CNTNAP4: variants seen among roughly 807,000 people sequenced by gnomAD.
CNTNAP4 encodes the protein contactin associated protein family member 4.
Under a neutral mutation model 148.4 loss-of-function variants are expected in CNTNAP4, and 98 were observed. The ratio of observed to expected loss-of-function variants is 0.66; its 90% CI spans 0.56 to 0.78. The LOEUF is 0.78. CNTNAP4 is among the 30% of genes least tolerant of loss of function. The pLI, the probability that CNTNAP4 is intolerant of heterozygous loss-of-function variation, is 0.00. For missense variants in CNTNAP4, 1,935 were observed against 1,565.6 expected (o/e 1.24, Z -3.98); for synonymous variants, 730 against 565.1 (o/e 1.29, Z -4.14).
intron 3 of CNTNAP4, 117 bp from the exon 4 acceptor site, chr16:76,427,335 A>T (rs748714967): frequency 2.8e-4 from 208 of 750,288 alleles, no homozygotes; most frequent in Non-Finnish European, 3.8e-4. Context: ...TTCTTATAGA[A>T]GGTAGCACCA....
At chr16:76,557,236 G>T (rs952848787) in intron 23 of CNTNAP4, 1 of 152,130 alleles carries the variant, frequency 6.6e-6, no homozygotes, top group African/African-American at 2.4e-5. Context: ...AACATATGCT[G>T]TGTAATTGTT....
intron 1 of CNTNAP4, among the ~76,000 whole-genome samples, chr16:76,306,261 C>A (rs1463393403): frequency 2.0e-5 from 3 of 152,148 alleles, no homozygotes; most frequent in South Asian, 2.1e-4. Flanking sequence ...CTGAACCCAT[C>A]CTTCTTAATA....
At chr16:76,396,414 G>A (rs1334200996) in intron 3 of CNTNAP4, among the ~76,000 whole-genome samples, 1 of 152,156 alleles carries the variant, frequency 6.6e-6, no homozygotes, top group African/African-American at 2.4e-5. Context: ...TTATCAAGGA[G>A]GTAGGAAGAA....
intron 3 of CNTNAP4, among the ~76,000 whole-genome samples, chr16:76,364,771 GTA>G (rs2013904513): frequency 6.6e-6 from 1 of 152,016 alleles, no homozygotes; most frequent in Admixed American, 6.6e-5. Context: ...ACTTTATTAA[GTA>G]TATTTTAAAT....
At chr16:76,371,174 C>G (rs145135519) in intron 3 of CNTNAP4, among the ~76,000 whole-genome samples, 28 of 152,322 alleles carry the variant, frequency 1.8e-4, no homozygotes, top group African/African-American at 6.0e-4. Context: ...GAAAAAATAG[C>G]AAACATCTTA....
In CNTNAP4 at chr16:76,558,559, A is replaced by C. The variant is rs772356736; in HGVS notation, c.3803A>C (p.Lys1268Thr). Residue 1268 changes from lysine to threonine, a missense_variant, in exon 24 of 24, where the codon AAA (lysine) becomes ACA (threonine). Coordinates refer to ENST00000611870, the MANE Select transcript of CNTNAP4 (RefSeq NM_033401.5). Reference sequence around the variant, plus strand: ...ATAGCTGTTCGCATTTATCAGCAGAAAAGGTTATATAAAAGAAGTGAGGCA... The same window carrying C: ...ATAGCTGTTCGCATTTATCAGCAGACAAGGTTATATAAAAGAAGTGAGGCA... ...TAIAVRIYQQ[K>T]RLYKRSEAKR... The C allele has an allele frequency of 6.2e-7, 1 of 1,612,590 alleles. No individual in the cohort carries two copies. Among genetic ancestry groups the C allele is most frequent in the East Asian group, 2.2e-5 (1 of 44,858 alleles).
chr16:76,298,560 G>T (rs995616660), intron 1 of CNTNAP4, among the ~76,000 whole-genome samples: 1 of 150,662 alleles, frequency 6.6e-6, no homozygotes, highest in African/African-American at 2.4e-5. Context: ...GAAGCAGCCA[G>T]AGTCTCAGTT....
chr16:76,394,469 T>G lies in CNTNAP4; in HGVS notation c.391-32983T>G, dbSNP rs544451700. ...TATTGAATTATAATTACAAAATGAT[T>G]TAATAGATGGGAATATAACTTTAAA... On this transcript the variant is annotated intron_variant, in intron 3 of 23. Coordinates refer to ENST00000611870, the MANE Select transcript of CNTNAP4 (RefSeq NM_033401.5). Among the ~76,000 whole-genome samples the G allele has an allele frequency of 1.1e-3, 164 of 152,250 alleles. 1 individual carries two copies. Among genetic ancestry groups the G allele is most frequent in the African/African-American group, 3.9e-3 (161 of 41,538 alleles).
rs565337313 is a variant in CNTNAP4 at position 76,299,479 on chromosome 16, A to C, written c.86-16934A>C. 6.8e-3 allele frequency among the ~76,000 whole-genome samples: 1,042 copies of C among 152,266 alleles called. 6 individuals are homozygous for C. The highest frequency in any genetic ancestry group is 0.024 in the African/African-American group (977 of 41,548). On this transcript the variant is annotated intron_variant, in intron 1 of 23. Transcript: ENST00000611870. Reference sequence around the variant, plus strand: ...CACACCAGTTAGAATGGCGATCATTAAAAAGTCAGGAAACAACAGGTGCTG... The same window carrying C: ...CACACCAGTTAGAATGGCGATCATTCAAAAGTCAGGAAACAACAGGTGCTG...
At chr16:76,415,032 A>C (rs2078927386) in intron 3 of CNTNAP4, among the ~76,000 whole-genome samples, 1 of 151,250 alleles carries the variant, frequency 6.6e-6, no homozygotes, top group Non-Finnish European at 1.5e-5. Context: ...TGTAGAAAGA[A>C]GAATATACAG....
At chr16:76,436,445 C>T (rs2079829628) in intron 4 of CNTNAP4, among the ~76,000 whole-genome samples, 1 of 151,340 alleles carries the variant, frequency 6.6e-6, no homozygotes, top group African/African-American at 2.4e-5. Flanking sequence ...AGTTCAGCCA[C>T]TCACATGATA....
intron 12 of CNTNAP4, 70 bp from the exon 13 acceptor site, chr16:76,489,616 C>G: frequency 2.4e-6 from 2 of 838,088 alleles, no homozygotes; most frequent in Non-Finnish European, 3.4e-6. Context: ...TTTTGATTTT[C>G]TTTATTTATT....
At chr16:76,301,612 G>A (rs1218174209) in intron 1 of CNTNAP4, among the ~76,000 whole-genome samples, 2 of 152,162 alleles carry the variant, frequency 1.3e-5, no homozygotes, top group South Asian at 2.1e-4. Context: ...GACTTTGGGA[G>A]GGTTACAGTT....
chr16:76,286,178 T>C (rs1440183114), intron 1 of CNTNAP4, among the ~76,000 whole-genome samples: 1 of 108,880 alleles, frequency 9.2e-6, no homozygotes, highest in African/African-American at 4.0e-5. Context: ...ATTATCAGTG[T>C]GTGTGTGTGT....
At chr16:76,348,137 C>T (rs1382609498) in intron 2 of CNTNAP4, among the ~76,000 whole-genome samples, 2 of 150,502 alleles carry the variant, frequency 1.3e-5, no homozygotes, top group Non-Finnish European at 2.9e-5. Context: ...ACAGCATCTT[C>T]TGGTGGTTTG....
intron 2 of CNTNAP4, among the ~76,000 whole-genome samples, chr16:76,322,298 T>C (rs1027062648): frequency 6.6e-6 from 1 of 152,142 alleles, no homozygotes; most frequent in Non-Finnish European, 1.5e-5. Context: ...GGTGTACAGC[T>C]CTTGATATTG....
intron 4 of CNTNAP4, among the ~76,000 whole-genome samples, chr16:76,440,137 A>G (rs1432914201): frequency 5.9e-5 from 9 of 152,132 alleles, no homozygotes; most frequent in African/African-American, 1.2e-4. Flanking sequence ...AGTTTGGTCT[A>G]TACCCCTTTC....
intron 2 of CNTNAP4, among the ~76,000 whole-genome samples, chr16:76,340,297 C>T (rs1212634765): frequency 6.6e-6 from 1 of 152,178 alleles, no homozygotes; most frequent in African/African-American, 2.4e-5. Flanking sequence ...TTACCCAAAT[C>T]CCACAGGCCT....
At position 76,277,708 on chromosome 16, in the gene CNTNAP4, T is replaced by C. The variant is rs1320326738; in HGVS notation, c.46T>C (p.Ser16Pro). The change falls in exon 1 of 24, where the codon TCT (serine) becomes CCT (proline). Residue 16 changes from serine (S) to proline (P), a missense_variant. Coordinates refer to ENST00000611870, the MANE Select transcript of CNTNAP4 (RefSeq NM_033401.5). ...GAVLKTLLLL[S>P]TQNWNRVEAG... is the part of the protein sequence containing the mutation. ...TGTCCTCAAGACGCTACTTCTGTTA[T>C]CTACTCAAAATTGGAACAGAGTCGA... The C allele has an allele frequency of 6.2e-7, 1 of 1,606,060 alleles. No homozygotes were observed. Among genetic ancestry groups the C allele is most frequent in the Admixed American group, 1.7e-5 (1 of 59,168 alleles).
Sources: gnomAD v4.1 joint callset for allele counts (sites outside exome capture counted in the v4.1 genomes callset) on GRCh38, gnomAD v4.1.1 for gene constraint, MANE v1.5 for transcripts, NCBI Gene and HGNC (gene_info 2026-07-23, HGNC 2026-07-21) for gene names.